Variants in RBFA observed in about 807,000 individuals in gnomAD.
RBFA encodes the protein putative ribosome-binding factor A, mitochondrial.
RBFA carries 16 observed loss-of-function variants against 27.9 expected under a neutral mutation model. The observed-to-expected ratio is 0.57, with a 90% confidence interval of 0.39 to 0.87. The LOEUF (loss-of-function observed/expected upper bound fraction) is 0.87, where lower values mean the gene tolerates loss of function less well. RBFA is among the 40% of genes least tolerant of loss of function. The probability of loss-of-function intolerance (pLI) is 0.00; values close to 1 mark genes in which losing one functional copy is unlikely to be tolerated. For synonymous variants in RBFA, 181 were observed against 181.0 expected, an observed-to-expected ratio of 1.00 and a Z score of 0.00; for missense variants, 456 against 432.1, an observed-to-expected ratio of 1.06 and a Z score of -0.49.
Position 80,050,189 on chromosome 18 carries a change from G to A in RBFA, c.*4034G>A, listed in dbSNP as rs2052086697. On this transcript the variant is annotated 3_prime_UTR_variant, in exon 7 of 7. Coordinates refer to ENST00000306735, the MANE Select transcript of RBFA (RefSeq NM_024805.3). ...GGAAGAATGAGGGGACAACAGGGCAGGGAGAAGGGACAGAGCTAGAGGAAG... is the reference window on the plus strand; with the variant it reads ...GGAAGAATGAGGGGACAACAGGGCAAGGAGAAGGGACAGAGCTAGAGGAAG... Among the ~76,000 whole-genome samples, 3 of 152,172 alleles carry A rather than the reference G, an allele frequency of 2.0e-5. No homozygotes were observed. The highest frequency in any genetic ancestry group is 2.0e-4 in the Admixed American group (3 of 15,288).
In RBFA at chr18:80,046,461, C is replaced by T. The variant is rs1294241429; in HGVS notation, c.*306C>T. 8.6e-6 allele frequency: 3 copies of T among 348,062 alleles called. No homozygotes were observed. The highest frequency in any genetic ancestry group is 9.3e-4 in the Middle Eastern group (1 of 1,070). 21.6% of individuals were successfully genotyped at this position (348,062 alleles called of 1,614,324 possible). A position where few individuals can be genotyped will look rare whatever the true frequency, so the allele number is the denominator to read the frequency against. On this transcript the variant is annotated 3_prime_UTR_variant, in exon 7 of 7. Transcript: ENST00000306735. ...TCCACCTGCAGAGCCCTGCCAGGTG[C>T]CAGTGAGTGCTTGGCCCGAGGGGTC...
intron 4 of RBFA, chr18:80,041,189 A>T (rs2145146321): frequency 6.6e-6 from 1 of 152,360 alleles, no homozygotes; most frequent in Non-Finnish European, 1.5e-5. Flanking sequence ...GTTTAACAAA[A>T]GCAAGAAAAT....
At chr18:80,045,035 G>GGT (rs1474054036) in intron 6 of RBFA, among the ~76,000 whole-genome samples, 1 of 152,204 alleles carries the variant, frequency 6.6e-6, no homozygotes, top group Non-Finnish European at 1.5e-5. Context: ...CTGAGCCCAG[G>GGT]GTGTGGAAAC....
intron 6 of RBFA, among the ~76,000 whole-genome samples, chr18:80,044,686 G>A (rs1371220217): frequency 2.0e-5 from 3 of 152,272 alleles, no homozygotes; most frequent in African/African-American, 7.2e-5. Context: ...GTTAGGAGGG[G>A]AGTAGAGGGA....
chr18:80,042,586 C>A (rs190234417), intron 5 of RBFA, among the ~76,000 whole-genome samples: 293 of 152,028 alleles, frequency 1.9e-3, no homozygotes, highest in African/African-American at 6.7e-3. Context: ...CTGGCCAATA[C>A]GGTGAAACCC....
intron 4 of RBFA, among the ~76,000 whole-genome samples, chr18:80,039,825 A>T (rs1253036660): frequency 1.3e-5 from 2 of 152,230 alleles, no homozygotes; most frequent in Non-Finnish European, 2.9e-5. Flanking sequence ...AGATCAATTC[A>T]AAGTGTGAGC....
intron 4 of RBFA, among the ~76,000 whole-genome samples, chr18:80,038,913 G>T (rs1424969677): frequency 1.3e-5 from 2 of 152,236 alleles, no homozygotes; most frequent in East Asian, 3.8e-4. Context: ...TGCACTGAGG[G>T]TACAGAAACC....
rs1266681826 is a variant in RBFA at position 80,034,573 on chromosome 18, A to G, written c.78A>G (p.Leu26=). The part of the protein sequence containing the change: ...RALFRSRDAA[L]FPGCERGLHC... ...TGTTCCGTAGCCGCGATGCTGCGCTATTTCCAGGCTGCGAGCGGGGACTTC... is the reference window on the plus strand; with the variant it reads ...TGTTCCGTAGCCGCGATGCTGCGCTGTTTCCAGGCTGCGAGCGGGGACTTC... The change falls in exon 1 of 7, where the codon CTA becomes CTG. Residue 26 remains leucine, a synonymous_variant. Coordinates refer to ENST00000306735, the MANE Select transcript of RBFA (RefSeq NM_024805.3). 1 of 1,609,502 alleles carries G rather than the reference A, an allele frequency of 6.2e-7. No individual in the cohort carries two copies. Among genetic ancestry groups the G allele is most frequent in the African/African-American group, 1.3e-5 (1 of 74,520 alleles).
intron 2 of RBFA, chr18:80,037,102 T>C (rs2051984503): frequency 2.0e-6 from 1 of 490,308 alleles, no homozygotes; most frequent in Non-Finnish European, 3.6e-6. Flanking sequence ...AAAACTTTTT[T>C]TGAGAAAATA....
chr18:80,035,007 ATAAT>A (rs530243662), intron 1 of RBFA: 112 of 266,570 alleles, frequency 4.2e-4, no homozygotes, highest in African/African-American at 2.1e-3. Context: ...GCTTGTCATG[ATAAT>A]TAGTGTTTTT....
intron 4 of RBFA, among the ~76,000 whole-genome samples, chr18:80,039,440 A>G (rs1213245081): frequency 6.6e-6 from 1 of 152,220 alleles, no homozygotes; most frequent in African/African-American, 2.4e-5. Context: ...AGTACATGTA[A>G]ATCACCTGCT....
At position 80,037,377 on chromosome 18, in the gene RBFA, G is replaced by C. The variant is rs764931150; in HGVS notation, c.249G>C (p.Lys83Asn). ...KLEFLMRSTS[K>N]KTRKEDHARL... ...AATTCCTCATGAGGAGCACCTCAAAGAAAACCAGGAAGGAAGACCATGCGC... is the reference window on the plus strand; with the variant it reads ...AATTCCTCATGAGGAGCACCTCAAACAAAACCAGGAAGGAAGACCATGCGC... The change falls in exon 3 of 7, where the codon AAG becomes AAC. Residue 83 changes from lysine (K) to asparagine (N), a missense_variant. Transcript: ENST00000306735. 3.7e-6 allele frequency: 6 copies of C among 1,613,972 alleles called. No individual in the cohort carries two copies. The highest frequency in any genetic ancestry group is 5.1e-6 in the Non-Finnish European group (6 of 1,180,020).
Position 80,034,467 on chromosome 18 carries a change from C to G in RBFA, c.-29C>G, listed in dbSNP as rs748274495. 9 of 1,485,600 alleles carry G rather than the reference C, an allele frequency of 6.1e-6. No individual in the cohort carries two copies. The highest frequency in any genetic ancestry group is 3.0e-5 in the African/African-American group (2 of 67,336). The allele number at this position is 1,485,600 out of a possible 1,614,324, so 92.0% of individuals were successfully genotyped here. A position where few individuals can be genotyped will look rare whatever the true frequency, so the allele number is the denominator to read the frequency against. On this transcript the variant is annotated 5_prime_UTR_variant, in exon 1 of 7. Coordinates refer to ENST00000306735, the MANE Select transcript of RBFA (RefSeq NM_024805.3). ...CTCCGCGCCTGCGCCCGTTGTCTCC[C>G]TGCTCGCTCCGGGTCCCGGCGCCGC... is the stretch of plus-strand genomic sequence containing the variant.
chr18:80,045,647 T>C lies in RBFA; in HGVS notation c.651-127T>C, dbSNP rs1021565763. The stretch of plus-strand genomic sequence containing the variant: ...ACTCCTGTCTCCAGTTACCCTCAGA[T>C]AGACGTTTGGGAGGGTTCTCAGGCG... On this transcript the variant is annotated intron_variant, in intron 6 of 6. Coordinates refer to ENST00000306735, the MANE Select transcript of RBFA (RefSeq NM_024805.3). 1.0e-5 allele frequency: 11 copies of C among 1,101,610 alleles called. No individual in the cohort carries two copies. The African/African-American group carries it at 1.6e-4, about 16-fold the overall frequency. 68.2% of individuals were successfully genotyped at this position (1,101,610 alleles called of 1,614,324 possible). A position where few individuals can be genotyped will look rare whatever the true frequency, so the allele number is the denominator to read the frequency against.
chr18:80,047,649 C>T lies in RBFA; in HGVS notation c.*1494C>T, dbSNP rs2052065241. ...TAAACTAAGAAGAAAGAATTTAAGG[C>T]AATTTGTAAGGATAGACAAAACCCC... On this transcript the variant is annotated 3_prime_UTR_variant, in exon 7 of 7. Transcript: ENST00000306735. Among the ~76,000 whole-genome samples the T allele has an allele frequency of 6.6e-6, 1 of 151,844 alleles. No individual in the cohort carries two copies. The highest frequency in any genetic ancestry group is 1.5e-5 in the Non-Finnish European group (1 of 67,996).
rs1387236028 is a variant in RBFA at position 80,046,614 on chromosome 18, G to A, written c.*459G>A. On this transcript the variant is annotated 3_prime_UTR_variant, in exon 7 of 7. Coordinates refer to ENST00000306735, the MANE Select transcript of RBFA (RefSeq NM_024805.3). ...GGCTGCTGGGCTGGCACGTGGCGCC[G>A]GGGGCTCCATCCCTGGGGCTGCTGG... Among the ~76,000 whole-genome samples, 4 of 151,980 alleles carry A rather than the reference G, an allele frequency of 2.6e-5. No homozygotes were observed. The East Asian group carries it at 5.8e-4, about 22-fold the overall frequency.
rs1182099706 is a variant in RBFA, at chr18:80,047,692, GGA to G, written c.*1544_*1545del. 7.1e-6 allele frequency among the ~76,000 whole-genome samples: 1 copy of G among 140,468 alleles called. No homozygotes were observed. The highest frequency in any genetic ancestry group is 1.6e-5 in the Non-Finnish European group (1 of 61,138). The allele number at this position is 140,468 out of a possible 152,430, so 92.2% of individuals were successfully genotyped here. A position where few individuals can be genotyped will look rare whatever the true frequency, so the allele number is the denominator to read the frequency against. The stretch of plus-strand genomic sequence containing the variant: ...AAAACCCCACATGATGGTATGAGTA[GGA>G]GAGAGAAAAAAAAAAGGGAGCCAGA... On this transcript the variant is annotated 3_prime_UTR_variant, in exon 7 of 7. Coordinates refer to ENST00000306735, the MANE Select transcript of RBFA (RefSeq NM_024805.3).
intron 5 of RBFA, among the ~76,000 whole-genome samples, chr18:80,042,709 TGCAGTGAGCCGAGATTG>T (rs2052024623): frequency 6.6e-6 from 1 of 151,548 alleles, no homozygotes; most frequent in Non-Finnish European, 1.5e-5. Flanking sequence ...AGGCGGAGGT[TGCAGTGAGCCGAGATTG>T]TGCCACTGCA....
Position 80,046,037 on chromosome 18 carries a change from T to C in RBFA, c.914T>C (p.Leu305Pro). 6.2e-7 allele frequency: 1 copy of C among 1,614,112 alleles called. No homozygotes were observed. Among genetic ancestry groups the C allele is most frequent in the Non-Finnish European group, 8.5e-7 (1 of 1,180,032 alleles). ...YLSGEEVEDD[L>P]DLVGAPEYEC... ...TCAGGCGAGGAGGTTGAAGATGACCTGGACCTGGTTGGTGCCCCGGAGTAC... is the reference window on the plus strand; with the variant it reads ...TCAGGCGAGGAGGTTGAAGATGACCCGGACCTGGTTGGTGCCCCGGAGTAC... Residue 305 changes from leucine (L) to proline (P), a missense_variant, in exon 7 of 7, where the codon CTG becomes CCG. Coordinates refer to ENST00000306735, the MANE Select transcript of RBFA (RefSeq NM_024805.3).
Sources: gnomAD v4.1 joint callset for allele counts (sites outside exome capture counted in the v4.1 genomes callset) on GRCh38, gnomAD v4.1.1 for gene constraint, MANE v1.5 for transcripts, NCBI Gene and HGNC (gene_info 2026-07-23, HGNC 2026-07-21) for gene names.